The following CNTN4 variants were observed in gnomAD, a reference collection of about 807,000 sequenced individuals.
The protein encoded by CNTN4 is contactin 4, also known as contactin-4.
Under a neutral mutation model 122.5 loss-of-function variants are expected in CNTN4, and 77 were observed. That is an observed-to-expected ratio of 0.63 (90% confidence interval 0.52 to 0.76). The LOEUF is 0.76. Ranked by LOEUF, CNTN4 falls within the 30% of genes least tolerant of loss-of-function variation. The pLI is 0.00. For synonymous variants in CNTN4, 512 were observed against 447.0 expected (o/e 1.15, Z -1.83); for missense variants, 1,256 against 1,259.1 (o/e 1.00, Z 0.04).
chr3:2,821,144 A>T (rs1282977384), intron 7 of CNTN4, among the ~76,000 whole-genome samples: 1 of 151,654 alleles, frequency 6.6e-6, no homozygotes, highest in Non-Finnish European at 1.5e-5. Context: ...TTTAGTAGAG[A>T]TAGGATTTCA....
At chr3:2,883,315 C>G (rs565377739) in intron 9 of CNTN4, 68 bp downstream of exon 9, 2 of 1,115,058 alleles carry the variant, frequency 1.8e-6, no homozygotes, top group South Asian at 2.6e-5. Flanking sequence ...TTTTCTTGCA[C>G]TGTTCACAGC....
intron 4 of CNTN4, among the ~76,000 whole-genome samples, chr3:2,723,674 T>A (rs7628663): frequency 6.6e-6 from 1 of 152,136 alleles, no homozygotes; most frequent in Non-Finnish European, 1.5e-5. Flanking sequence ...CCTAAGGGCC[T>A]TACCTCTAAA....
intron 3 of CNTN4, among the ~76,000 whole-genome samples, chr3:2,458,360 C>T (rs1048797346): frequency 2.0e-5 from 3 of 152,084 alleles, no homozygotes; most frequent in African/African-American, 7.2e-5. Flanking sequence ...ACATATCTTT[C>T]TTGTGTATAA....
intron 4 of CNTN4, among the ~76,000 whole-genome samples, chr3:2,577,868 C>T (rs1360093900): frequency 6.6e-6 from 1 of 152,116 alleles, no homozygotes. Context: ...TTCAAGGAGG[C>T]TAAATTTATT....
At chr3:2,671,683 A>G (rs1017005522) in intron 4 of CNTN4, among the ~76,000 whole-genome samples, 1 of 152,040 alleles carries the variant, frequency 6.6e-6, no homozygotes, top group African/African-American at 2.4e-5. Context: ...TAGAATTTTC[A>G]GTTTTTCTGC....
At chr3:2,274,545 T>TC (rs2149840441) in intron 2 of CNTN4, among the ~76,000 whole-genome samples, 1 of 152,288 alleles carries the variant, frequency 6.6e-6, no homozygotes, top group East Asian at 1.9e-4. Context: ...TCTGGCTACT[T>TC]ACTTTTCTCC....
rs527269506 is a variant in CNTN4 at position 2,526,697 on chromosome 3, T to C, written c.-88-44719T>C. ...CATTCTTTCTCTTATATTCATGAAATATACCACTAATATTTTGATATAAAA... is the reference window on the plus strand; with the variant it reads ...CATTCTTTCTCTTATATTCATGAAACATACCACTAATATTTTGATATAAAA... On this transcript the variant is annotated intron_variant, in intron 3 of 24. Transcript: ENST00000418658. Among the ~76,000 whole-genome samples, 12 of 152,264 alleles carry C rather than the reference T, an allele frequency of 7.9e-5. No individual in the cohort carries two copies. In the East Asian group the frequency reaches 2.3e-3, roughly 29 times the overall value.
intron 10 of CNTN4, among the ~76,000 whole-genome samples, chr3:2,899,090 G>T (rs1215983857): frequency 6.6e-6 from 1 of 152,182 alleles, no homozygotes; most frequent in African/African-American, 2.4e-5. Flanking sequence ...TAGAGGATTT[G>T]TAAAACTGTG....
At chr3:2,945,750 A>C (rs1352837439) in intron 13 of CNTN4, among the ~76,000 whole-genome samples, 3 of 152,218 alleles carry the variant, frequency 2.0e-5, no homozygotes, top group African/African-American at 7.2e-5. Flanking sequence ...CTCTGCTTTG[A>C]GTTGCAGGAA....
chr3:2,638,956 T>G (rs1389861204), intron 4 of CNTN4, among the ~76,000 whole-genome samples: 1 of 152,226 alleles, frequency 6.6e-6, no homozygotes, highest in Non-Finnish European at 1.5e-5. Context: ...AGCAAGCATC[T>G]TTCTTCTGGA....
intron 2 of CNTN4, among the ~76,000 whole-genome samples, chr3:2,334,840 C>G (rs1199832977): frequency 6.6e-6 from 1 of 152,042 alleles, no homozygotes; most frequent in Non-Finnish European, 1.5e-5. Flanking sequence ...TGAACATGTT[C>G]GTTAGAATTA....
intron 3 of CNTN4, among the ~76,000 whole-genome samples, chr3:2,509,050 A>C (rs2149058067): frequency 6.6e-6 from 1 of 152,366 alleles, no homozygotes; most frequent in South Asian, 2.1e-4. Flanking sequence ...TCATAATCAA[A>C]GATTAATCAA....
chr3:3,037,505 G>T, intron 18 of CNTN4, 177 bp downstream of exon 18: 1 of 815,260 alleles, frequency 1.2e-6, no homozygotes, highest in East Asian at 2.7e-5. Context: ...ACACGCAACG[G>T]GTTTCAATCA....
intron 3 of CNTN4, among the ~76,000 whole-genome samples, chr3:2,354,016 C>CCTTATAAACACATTTTCT (rs774349813): frequency 2.0e-4 from 30 of 152,192 alleles, no homozygotes; most frequent in Admixed American, 1.6e-3. Flanking sequence ...CTTTCCTAAT[C>CCTTATAAACACATTTTCT]CTTATAAACA....
At chr3:2,923,406 A>G (rs1471340816) in intron 12 of CNTN4, among the ~76,000 whole-genome samples, 1 of 151,588 alleles carries the variant, frequency 6.6e-6, no homozygotes, top group African/African-American at 2.4e-5. Context: ...CTTATATGGG[A>G]TTGGTAAGTA....
intron 3 of CNTN4, among the ~76,000 whole-genome samples, chr3:2,558,863 C>G (rs192489384): frequency 1.3e-5 from 2 of 152,250 alleles, no homozygotes; most frequent in African/African-American, 2.4e-5. Flanking sequence ...AATGATCACT[C>G]TATCTCATTT....
intron 2 of CNTN4, among the ~76,000 whole-genome samples, chr3:2,311,058 A>T (rs1395427796): frequency 1.3e-5 from 2 of 152,094 alleles, no homozygotes; most frequent in African/African-American, 4.8e-5. Context: ...TGGAATGAAA[A>T]TATCCGAATC....
chr3:2,576,076 C>A (rs1034475107), intron 4 of CNTN4, among the ~76,000 whole-genome samples: 11 of 152,112 alleles, frequency 7.2e-5, no homozygotes, highest in Admixed American at 2.0e-4. Flanking sequence ...ACCTTGTGAT[C>A]TGCCCACCTC....
At chr3:2,823,112 G>A (rs776663674) in intron 7 of CNTN4, among the ~76,000 whole-genome samples, 2 of 152,136 alleles carry the variant, frequency 1.3e-5, no homozygotes. Context: ...CAACTGAACG[G>A]CAGTGATTCT....
Sources: allele counts gnomAD v4.1 joint callset (sites outside exome capture counted in the v4.1 genomes callset), GRCh38; gene constraint gnomAD v4.1.1; transcripts MANE v1.5; gene names NCBI Gene and HGNC (gene_info 2026-07-23, HGNC 2026-07-21).